Variants in DENND1B observed in about 807,000 individuals in gnomAD.
The protein encoded by DENND1B is DENN domain-containing protein 1B.
In DENND1B, 59 loss-of-function variants were observed where a neutral mutation model predicts 90.1. That is an observed-to-expected ratio of 0.65 (90% CI 0.53 to 0.81). The LOEUF (loss-of-function observed/expected upper bound fraction) is 0.81, where lower values mean the gene tolerates loss of function less well. Ranked by LOEUF, DENND1B falls within the 40% of genes least tolerant of loss-of-function variation. DENND1B has a pLI of 0.00. For synonymous variants in DENND1B, 337 were observed against 324.6 expected (o/e 1.04, Z -0.41); for missense variants, 862 against 912.6 (o/e 0.94, Z 0.71).
Position 197,772,943 on chromosome 1 carries a change from A to G in DENND1B, c.18-11T>C. The G allele has an allele frequency of 1.3e-6, 2 of 1,549,424 alleles. No individual in the cohort carries two copies. The highest frequency in any genetic ancestry group is 2.4e-5 in the South Asian group (2 of 83,778). On this transcript the variant is annotated splice_polypyrimidine_tract_variant and intron_variant, in intron 1 of 22. Transcript: ENST00000620048. ...CTGTCTGGATTTGCCCTAAAAGGAA[A>G]AAGTTTAAATTAATTTCCTATGACA...
rs1288720678 is a variant in DENND1B, at chr1:197,541,008, T to C, written c.1358A>G (p.Asn453Ser). The change falls in exon 19 of 23, where the codon AAT becomes AGT. Residue 453 changes from asparagine (N) to serine (S), a missense_variant. Asn to Ser is a conservative substitution (Grantham distance 46). Transcript: ENST00000620048. ...AVRTAYKFAK[N>S]HAKLGLKEVK... ...TTCCTTTAGTCCCAGCTTTGCATGA[T>C]TTTTTGCCTAGAAAATGATAATGAA... The C allele has an allele frequency of 1.9e-6, 3 of 1,612,376 alleles. No homozygotes were observed. The African/African-American group carries it at 4.0e-5, about 22-fold the overall frequency.
chr1:197,527,990 T>C (rs751125222), intron 20 of DENND1B, among the ~76,000 whole-genome samples: 7 of 152,292 alleles, frequency 4.6e-5, no homozygotes, highest in South Asian at 2.1e-4. Context: ...ACAAGAAACA[T>C]TGTATTTAAT....
intron 20 of DENND1B, among the ~76,000 whole-genome samples, chr1:197,516,774 C>T (rs1342275417): frequency 6.6e-6 from 1 of 151,722 alleles, no homozygotes; most frequent in Non-Finnish European, 1.5e-5. Flanking sequence ...AAATCACAGA[C>T]ATATCATTAT....
intron 11 of DENND1B, 119 bp from the exon 12 acceptor site, chr1:197,612,095 A>G: frequency 1.5e-6 from 1 of 656,052 alleles, no homozygotes; most frequent in Non-Finnish European, 2.4e-6. Flanking sequence ...CCAGCATAAC[A>G]CATTATAGAT....
chr1:197,528,027 A>C (rs981423329), intron 20 of DENND1B, among the ~76,000 whole-genome samples: 1 of 152,178 alleles, frequency 6.6e-6, no homozygotes, highest in African/African-American at 2.4e-5. Flanking sequence ...CCAGAGTCCA[A>C]TGAATTCCTA....
chr1:197,726,865 T>C lies in DENND1B; in HGVS notation c.83-11791A>G, dbSNP rs539998655. On this transcript the variant is annotated intron_variant, in intron 2 of 22. Transcript: ENST00000620048. ...ACTTGTGGGGAACACCTTTCAAATG[T>C]TCATAGTAAAAACTAAGAAACTTGT... 3.3e-5 allele frequency among the ~76,000 whole-genome samples: 5 copies of C among 152,342 alleles called. No individual in the cohort carries two copies. The South Asian group carries it at 1.0e-3, about 32-fold the overall frequency.
At chr1:197,664,558 A>C (rs954352698) in intron 5 of DENND1B, among the ~76,000 whole-genome samples, 1 of 152,106 alleles carries the variant, frequency 6.6e-6, no homozygotes, top group Non-Finnish European at 1.5e-5. Context: ...TTCTACTTCC[A>C]CTATAGAGCT....
intron 2 of DENND1B, chr1:197,735,902 T>TA (rs1251185197): frequency 1.1e-5 from 17 of 1,534,526 alleles, no homozygotes; most frequent in Non-Finnish European, 1.5e-5. Flanking sequence ...CTCCTGCTGA[T>TA]ATAATGGCCA....
At chr1:197,524,907 C>G (rs1341175632) in intron 20 of DENND1B, among the ~76,000 whole-genome samples, 1 of 152,010 alleles carries the variant, frequency 6.6e-6, no homozygotes, top group East Asian at 1.9e-4. Flanking sequence ...AGAACTGACC[C>G]CTTTACAGAC....
chr1:197,752,944 T>A (rs2102418327), intron 2 of DENND1B, among the ~76,000 whole-genome samples: 1 of 152,092 alleles, frequency 6.6e-6, no homozygotes, highest in Middle Eastern at 3.4e-3. Context: ...TTCATCCATG[T>A]CCCTGCAAAG....
At position 197,772,928 on chromosome 1, in the gene DENND1B, T is replaced by C. The variant is rs2102519318; in HGVS notation, c.22A>G (p.Asn8Asp). 1 of 1,551,466 alleles carries C rather than the reference T, an allele frequency of 6.4e-7. No individual in the cohort carries two copies. Among genetic ancestry groups the C allele is most frequent in the Non-Finnish European group, 8.7e-7 (1 of 1,146,858 alleles). Residue 8 changes from asparagine to aspartate, a missense_variant, in exon 2 of 23, where the codon AAT becomes GAT. Coordinates refer to ENST00000620048, the MANE Select transcript of DENND1B (RefSeq NM_001195215.2). MDCRTKA[N>D]PDRTFDLVLK... Reference sequence around the variant, plus strand: ...ACCAAGTCAAAGGTTCTGTCTGGATTTGCCCTAAAAGGAAAAAGTTTAAAT... The same window carrying C: ...ACCAAGTCAAAGGTTCTGTCTGGATCTGCCCTAAAAGGAAAAAGTTTAAAT...
At chr1:197,553,249 T>C (rs892400463) in intron 15 of DENND1B, 137 bp from the exon 16 acceptor site, 24 of 636,650 alleles carry the variant, frequency 3.8e-5, no homozygotes, top group Non-Finnish European at 5.7e-5. Context: ...ATTACACATA[T>C]ATGGTGTATA....
At chr1:197,552,199 C>A in intron 16 of DENND1B, 4 of 978,358 alleles carry the variant, frequency 4.1e-6, no homozygotes, top group Non-Finnish European at 4.9e-6. Context: ...AACAAACATA[C>A]AAAGAAGTTT....
chr1:197,675,793 GA>G (rs1267648017), intron 3 of DENND1B, among the ~76,000 whole-genome samples: 1 of 151,934 alleles, frequency 6.6e-6, no homozygotes, highest in East Asian at 1.9e-4. Flanking sequence ...TAACAATAAA[GA>G]ACATATATTC....
intron 3 of DENND1B, among the ~76,000 whole-genome samples, chr1:197,703,001 T>C (rs1355489694): frequency 6.6e-6 from 1 of 152,122 alleles, no homozygotes; most frequent in Non-Finnish European, 1.5e-5. Context: ...TTTGTTTTTA[T>C]TTTTGAGATA....
In DENND1B at chr1:197,744,659, T is replaced by C. The variant is rs192755752; in HGVS notation, c.82+28209A>G. Among the ~76,000 whole-genome samples, 4 of 152,308 alleles carry C rather than the reference T, an allele frequency of 2.6e-5. No individual in the cohort carries two copies. The East Asian group carries it at 7.7e-4, about 29-fold the overall frequency. ...TGTAAGGGCCCTGGGATTTCTGAAT[T>C]GATAAATGAGCACTGGCTTCAACTT... On this transcript the variant is annotated intron_variant, in intron 2 of 22. Coordinates refer to ENST00000620048, the MANE Select transcript of DENND1B (RefSeq NM_001195215.2).
intron 5 of DENND1B, among the ~76,000 whole-genome samples, chr1:197,662,061 T>G (rs1654459294): frequency 6.6e-6 from 1 of 152,092 alleles, no homozygotes; most frequent in Non-Finnish European, 1.5e-5. Flanking sequence ...TTATTGAATT[T>G]CATCCTGGTA....
At chr1:197,629,515 TG>T (rs1426465918) in intron 10 of DENND1B, among the ~76,000 whole-genome samples, 1 of 100,878 alleles carries the variant, frequency 9.9e-6, no homozygotes, top group Non-Finnish European at 1.8e-5. Flanking sequence ...CATCACACTC[TG>T]GGGACTGTTG....
chr1:197,697,499 C>T (rs141541263), intron 3 of DENND1B, among the ~76,000 whole-genome samples: 36 of 151,654 alleles, frequency 2.4e-4, no homozygotes, highest in Middle Eastern at 3.4e-3. Context: ...AAAAGAGGAC[C>T]AACTAAAGGA....
Sources: gnomAD v4.1 joint callset for allele counts (sites outside exome capture counted in the v4.1 genomes callset) on GRCh38, gnomAD v4.1.1 for gene constraint, MANE v1.5 for transcripts, NCBI Gene and HGNC (gene_info 2026-07-23, HGNC 2026-07-21) for gene names.